Variants in TTLL3 observed in about 807,000 individuals in gnomAD.
TTLL3 encodes tubulin monoglycylase TTLL3.
Under a neutral mutation model 75.2 loss-of-function variants are expected in TTLL3, and 63 were observed. The ratio of observed to expected loss-of-function variants is 0.84; its 90% confidence interval spans 0.68 to 1.03. TTLL3 has a LOEUF of 1.03. Ranked by LOEUF, TTLL3 falls within the 50% of genes least tolerant of loss-of-function variation. TTLL3 has a pLI of 0.00. For missense variants in TTLL3, 997 were observed against 1,069.9 expected (o/e 0.93, Z 0.95); for synonymous variants, 393 against 418.5 (o/e 0.94, Z 0.74).
chr3:9,816,083 G>GA lies in TTLL3; in HGVS notation c.325_326insA (p.Val109AspfsTer4), dbSNP rs1470244218. 15 of 1,354,688 alleles carry GA rather than the reference G, an allele frequency of 1.1e-5. No individual in the cohort carries two copies. Among genetic ancestry groups the GA allele is most frequent in the Non-Finnish European group, 1.5e-5 (15 of 1,016,232 alleles). The allele number at this position is 1,354,688 out of a possible 1,614,324, so 83.9% of individuals were successfully genotyped here. ...CCTCCTGTCTCCCCAGTCCCGCATGGTCCAGAATGAGATCCCCTACTTCAT... is the reference window on the plus strand; with the variant it reads ...CCTCCTGTCTCCCCAGTCCCGCATGGATCCAGAATGAGATCCCCTACTTCAT... On this transcript the variant is annotated frameshift_variant, in exon 5 of 14. Transcript: ENST00000685419. LOFTEE classifies it high-confidence loss of function.
intron 10 of TTLL3, chr3:9,828,200 G>A (rs1464859326): frequency 1.3e-5 from 2 of 151,288 alleles, no homozygotes; most frequent in African/African-American, 2.4e-5. Flanking sequence ...GGAAGCAAAT[G>A]TAGAGCAGGG....
chr3:9,817,828 T>C (rs1417396794), intron 6 of TTLL3, 69 bp downstream of exon 6: 11 of 1,600,088 alleles, frequency 6.9e-6, no homozygotes, highest in South Asian at 3.3e-5. Flanking sequence ...CTGGCTCATA[T>C]TGGAGAGAAA....
intron 6 of TTLL3, 115 bp downstream of exon 6, chr3:9,817,874 G>C (rs1328016400): frequency 3.3e-5 from 45 of 1,365,130 alleles, no homozygotes; most frequent in Non-Finnish European, 4.4e-5. Context: ...GCCTGCCCCA[G>C]CAGATTTCCC....
In TTLL3 at chr3:9,810,801, A is replaced by G. The variant is rs2125665630; in HGVS notation, c.48+92A>G. On this transcript the variant is annotated intron_variant, in intron 2 of 13. Coordinates refer to ENST00000685419, the MANE Select transcript of TTLL3 (RefSeq NM_001387446.1). The surrounding 1 kb of genome is among the most constrained non-coding windows in gnomAD (Gnocchi z 4.4). The stretch of plus-strand genomic sequence containing the variant: ...TTTTCTTATATCCTTAAAAAACAAA[A>G]GCAAAAGAAAAAACAATAGCAAAAA... 8.1e-7 allele frequency: 1 copy of G among 1,231,230 alleles called. No individual in the cohort carries two copies. The highest frequency in any genetic ancestry group is 2.7e-5 in the East Asian group (1 of 36,380). 76.3% of individuals were successfully genotyped at this position (1,231,230 alleles called of 1,614,324 possible). A position where few individuals can be genotyped will look rare whatever the true frequency, so the allele number is the denominator to read the frequency against.
At position 9,829,055 on chromosome 3, in the gene TTLL3, A is replaced by G. The variant is rs1281743175; in HGVS notation, c.1343A>G (p.Gln448Arg). Residue 448 changes from glutamine to arginine, a missense_variant, in exon 11 of 14, where the codon CAG (glutamine) becomes CGG (arginine). By Grantham distance (43) the Gln-to-Arg change is conservative (BLOSUM62 1). Coordinates refer to ENST00000685419, the MANE Select transcript of TTLL3 (RefSeq NM_001387446.1). ...CCGCCAGACAACATGTGGTCTAGCC[A>G]GAGGTTCCAGGCCCACCTGCAGGAG... ...LLPPDNMWSS[Q>R]RFQAHLQEMG... The G allele has an allele frequency of 1.2e-6, 2 of 1,614,258 alleles. No individual in the cohort carries two copies. The highest frequency in any genetic ancestry group is 1.7e-6 in the Non-Finnish European group (2 of 1,180,048).
upstream of TTLL3, chr3:9,810,113 G>A: frequency 6.8e-7 from 1 of 1,464,598 alleles, no homozygotes; most frequent in Non-Finnish European, 9.0e-7. The surrounding 1 kb of genome is among the most constrained non-coding windows in gnomAD (Gnocchi z 4.4). Context: ...GTGTGCAACT[G>A]GCTGCGGAAG....
intron 8 of TTLL3, among the ~76,000 whole-genome samples, chr3:9,822,739 ATATAT>A (rs1291600952): frequency 2.2e-5 from 3 of 138,300 alleles, no homozygotes; most frequent in African/African-American, 5.3e-5. Context: ...TATGTATTAT[ATATAT>A]TATAATATAT....
At position 9,826,048 on chromosome 3, in the gene TTLL3, G is replaced by A. The variant is rs957175780; in HGVS notation, c.1003+100G>A. ...AGTGCAGGTCTATTGAAGCCAAATT[G>A]CCTGGGTTTGAGTCCTAGCTCTGCT... On this transcript the variant is annotated intron_variant, in intron 9 of 13. Coordinates refer to ENST00000685419, the MANE Select transcript of TTLL3 (RefSeq NM_001387446.1). 7 of 1,500,736 alleles carry A rather than the reference G, an allele frequency of 4.7e-6. No individual in the cohort carries two copies. In the African/African-American group the frequency reaches 9.7e-5, roughly 21 times the overall value. 93.0% of individuals were successfully genotyped at this position (1,500,736 alleles called of 1,614,324 possible). A position where few individuals can be genotyped will look rare whatever the true frequency, so the allele number is the denominator to read the frequency against.
At chr3:9,816,247 C>G (rs750878256) in intron 5 of TTLL3, 45 bp downstream of exon 5, 1 of 1,320,984 alleles carries the variant, frequency 7.6e-7, no homozygotes, top group East Asian at 5.1e-5. Flanking sequence ...CGACCCCCTG[C>G]CCTTGGGCTG....
At chr3:9,819,020 T>G in intron 7 of TTLL3, 100 bp downstream of exon 7, 1 of 1,468,540 alleles carries the variant, frequency 6.8e-7, no homozygotes, top group South Asian at 1.2e-5. Context: ...TCCACGCACC[T>G]ACTGGTTCAT....
rs771230410 is a variant in TTLL3 at position 9,810,666 on chromosome 3, A to C, written c.5A>C (p.Asn2Thr). The change falls in exon 2 of 14, where the codon AAC becomes ACC. Residue 2 changes from asparagine (N) to threonine (T), a missense_variant. Coordinates refer to ENST00000685419, the MANE Select transcript of TTLL3 (RefSeq NM_001387446.1). This position sits in a 1 kb window ranked among gnomAD's most constrained non-coding sequence, Gnocchi z 4.4. MNRLRNAKIYVE... is the reference protein window; with the variant it reads MTRLRNAKIYVE... ...GGATCCTCCAAGGCGTCTCACATGA[A>C]CCGGCTCAGAAACGCCAAAATCTAC... is the stretch of plus-strand genomic sequence containing the variant. 1 of 1,585,104 alleles carries C rather than the reference A, an allele frequency of 6.3e-7. No homozygotes were observed. Among genetic ancestry groups the C allele is most frequent in the African/African-American group, 1.3e-5 (1 of 74,652 alleles).
rs772431227 is a variant in TTLL3 at position 9,813,000 on chromosome 3, C to T, written c.106C>T (p.Arg36Trp). The T allele has an allele frequency of 2.2e-5, 35 of 1,563,334 alleles. No homozygotes were observed. The highest frequency in any genetic ancestry group is 1.9e-5 in the Admixed American group (1 of 51,880). ...CYPVIRCLLR[R>W]RGWVEKKMVH... ...CCCGGTGATCCGGTGTCTCTTGCGC[C>T]GGAGGGGCTGGGTGGAGAAGAAGAT... Residue 36 changes from arginine to tryptophan, a missense_variant, in exon 3 of 14, where the codon CGG becomes TGG. By Grantham distance (101) the Arg-to-Trp change is moderately radical. Coordinates refer to ENST00000685419, the MANE Select transcript of TTLL3 (RefSeq NM_001387446.1).
In TTLL3 at chr3:9,813,258, T is replaced by G. The variant is rs1421923358; in HGVS notation, c.228T>G (p.Asp76Glu). The change falls in exon 4 of 14, where the codon GAT (aspartate) becomes GAG (glutamate). Residue 76 changes from aspartate (D) to glutamate (E), a missense_variant. Coordinates refer to ENST00000685419, the MANE Select transcript of TTLL3 (RefSeq NM_001387446.1). ...GCTCTGCATCCACAGAGGATGAAGA[T>G]GAGGACGAGGAGTTCCAGCCATCAC... ...DSDTTEDEDE[D>E]EDEEFQPSQL... The G allele has an allele frequency of 6.2e-7, 1 of 1,614,208 alleles. No homozygotes were observed. The highest frequency in any genetic ancestry group is 8.5e-7 in the Non-Finnish European group (1 of 1,180,030).
intron 8 of TTLL3, among the ~76,000 whole-genome samples, chr3:9,824,118 C>T (rs2080785811): frequency 6.6e-6 from 1 of 152,152 alleles, no homozygotes; most frequent in Non-Finnish European, 1.5e-5. Context: ...CCTGCTCTTA[C>T]GGAGTTTACA....
chr3:9,812,869 G>A (rs747481647), intron 2 of TTLL3, 74 bp from the exon 3 acceptor site: 7 of 1,401,316 alleles, frequency 5.0e-6, no homozygotes, highest in Non-Finnish European at 6.5e-6. Context: ...TAACTGTCTG[G>A]TTCACCTTTA....
At chr3:9,815,172 C>T (rs1404171632) in intron 4 of TTLL3, among the ~76,000 whole-genome samples, 1 of 148,896 alleles carries the variant, frequency 6.7e-6, no homozygotes, top group East Asian at 2.0e-4. Flanking sequence ...ACCCAGGAGA[C>T]GGAGCTTGCA....
Position 9,810,724 on chromosome 3 carries a change from AG to A in TTLL3, c.48+19del. The A allele has an allele frequency of 6.3e-7, 1 of 1,577,138 alleles. No homozygotes were observed. Among genetic ancestry groups the A allele is most frequent in the Non-Finnish European group, 8.6e-7 (1 of 1,161,518 alleles). ...GAGCTGTCAAGGTCAGAGGAGGGGC[AG>A]GGGCGCTTAGAAAGGGCCCTGGGAG... On this transcript the variant is annotated intron_variant, in intron 2 of 13. Coordinates refer to ENST00000685419, the MANE Select transcript of TTLL3 (RefSeq NM_001387446.1). The surrounding 1 kb of genome is among the most constrained non-coding windows in gnomAD (Gnocchi z 4.4).
chr3:9,816,380 G>A (rs546360282), intron 5 of TTLL3, among the ~76,000 whole-genome samples, 178 bp downstream of exon 5: 2 of 152,150 alleles, frequency 1.3e-5, no homozygotes, highest in Non-Finnish European at 1.5e-5. Flanking sequence ...CCCCTGCACC[G>A]TATCCGGCAT....
Position 9,835,589 on chromosome 3 carries a change from GGGGT to G in TTLL3, c.*104_*107del. 3 of 1,212,138 alleles carry G rather than the reference GGGGT, an allele frequency of 2.5e-6. No homozygotes were observed. The highest frequency in any genetic ancestry group is 3.4e-6 in the Non-Finnish European group (3 of 876,556). 75.1% of individuals were successfully genotyped at this position (1,212,138 alleles called of 1,614,324 possible). A position where few individuals can be genotyped will look rare whatever the true frequency, so the allele number is the denominator to read the frequency against. On this transcript the variant is annotated 3_prime_UTR_variant, in exon 14 of 14. Transcript: ENST00000685419. ...GGACTCCCCCAGCATCTCCGATCCA[GGGGT>G]GGGGAGCGTGAGCCTTCACTTTACA...
Sources: gnomAD v4.1 joint callset for allele counts (sites outside exome capture counted in the v4.1 genomes callset) on GRCh38, gnomAD v4.1.1 for gene constraint, Gnocchi (gnomAD v3.1) non-coding constraint, MANE v1.5 for transcripts, NCBI Gene and HGNC (gene_info 2026-07-23, HGNC 2026-07-21) for gene names.